The following RIN2 variants were observed in gnomAD, a reference collection of about 807,000 sequenced individuals.
The protein encoded by RIN2 is Ras and Rab interactor 2.
RIN2 carries 36 observed loss-of-function variants against 78.0 expected under a neutral mutation model. That is an observed-to-expected ratio of 0.46 (90% confidence interval 0.35 to 0.61). The LOEUF (loss-of-function observed/expected upper bound fraction) is 0.61. Ranked by LOEUF, RIN2 falls within the 20% of genes least tolerant of loss-of-function variation. The pLI, the probability that RIN2 is intolerant of heterozygous loss-of-function variation, is 0.00. For synonymous variants in RIN2, 466 were observed against 466.8 expected (o/e 1.00, Z 0.02); for missense variants, 1,087 against 1,159.7 (o/e 0.94, Z 0.91).
At position 19,917,080 on chromosome 20, in the gene RIN2, C is replaced by A. The variant is rs1352350589; in HGVS notation, c.58-18019C>A. The stretch of plus-strand genomic sequence containing the variant: ...CCATTCCAATTGAAGTCAGCCCCTG[C>A]TGTGTAATTAAGCAGATATTTAAAA... On this transcript the variant is annotated intron_variant, in intron 3 of 12. Transcript: ENST00000255006. 3.6e-4 allele frequency among the ~76,000 whole-genome samples: 54 copies of A among 150,930 alleles called. 1 individual carries two copies. In the Admixed American group the frequency reaches 3.6e-3, roughly 10 times the overall value.
At chr20:19,786,728 T>A (rs1363095126) in intron 1 of RIN2, among the ~76,000 whole-genome samples, 1 of 152,234 alleles carries the variant, frequency 6.6e-6, no homozygotes, top group Non-Finnish European at 1.5e-5. Context: ...GAAAGTGTAG[T>A]GACTATGCCT....
chr20:19,959,457 G>A (rs1461934956), intron 5 of RIN2, among the ~76,000 whole-genome samples: 2 of 152,178 alleles, frequency 1.3e-5, no homozygotes, highest in African/African-American at 4.8e-5. Context: ...CTGACTCCCA[G>A]AACCTGCTAC....
At chr20:19,955,688 T>C (rs907975166) in intron 4 of RIN2, among the ~76,000 whole-genome samples, 11 of 152,214 alleles carry the variant, frequency 7.2e-5, no homozygotes, top group African/African-American at 2.7e-4. Flanking sequence ...TGTTTCCGCT[T>C]GTTAGCTATT....
Position 19,848,641 on chromosome 20 carries a change from T to C in RIN2, c.-36-40925T>C, listed in dbSNP as rs951501157. Among the ~76,000 whole-genome samples the C allele has an allele frequency of 3.0e-5, 4 of 131,716 alleles. No individual in the cohort carries two copies. The South Asian group carries it at 1.1e-3, about 36-fold the overall frequency. 86.4% of individuals were successfully genotyped at this position (131,716 alleles called of 152,430 possible). A position where few individuals can be genotyped will look rare whatever the true frequency, so the allele number is the denominator to read the frequency against. On this transcript the variant is annotated intron_variant, in intron 2 of 12. Transcript: ENST00000255006. ...CTCTTATTAATCAGTAACAATCCTC[T>C]TCCCGGTTTAAGAATGAAACAGTTT...
chr20:19,827,140 T>C (rs1040545049), intron 2 of RIN2, among the ~76,000 whole-genome samples: 7 of 152,036 alleles, frequency 4.6e-5, no homozygotes, highest in Non-Finnish European at 8.8e-5. Flanking sequence ...CATACCTAGC[T>C]AATTTTTGTA....
rs551225883 is a variant in RIN2, at chr20:19,938,385, AT to A, written c.158+3197del. Among the ~76,000 whole-genome samples the A allele has an allele frequency of 3.6e-3, 534 of 148,020 alleles. 2 individuals are homozygous for A. Among genetic ancestry groups the A allele is most frequent in the Middle Eastern group, 0.01 (3 of 288 alleles). On this transcript the variant is annotated intron_variant, in intron 4 of 12. Coordinates refer to ENST00000255006, the MANE Select transcript of RIN2 (RefSeq NM_018993.4). ...GGGTGCCCACCACCACACCCAGCTA[AT>A]TTTTTTTTTTAATTTTTGGTAGAGA... is the stretch of plus-strand genomic sequence containing the variant.
At chr20:19,914,948 T>C (rs887924418) in intron 3 of RIN2, among the ~76,000 whole-genome samples, 1 of 152,054 alleles carries the variant, frequency 6.6e-6, no homozygotes, top group South Asian at 2.1e-4. Context: ...ACAACCTCAA[T>C]GAGAGCAGAA....
At position 19,953,161 on chromosome 20, in the gene RIN2, C is replaced by T. The variant is rs952839091; in HGVS notation, c.159-3454C>T. Among the ~76,000 whole-genome samples, 32 of 152,018 alleles carry T rather than the reference C, an allele frequency of 2.1e-4. 1 individual carries two copies. The highest frequency in any genetic ancestry group is 2.1e-4 in the South Asian group (1 of 4,828). On this transcript the variant is annotated intron_variant, in intron 4 of 12. Coordinates refer to ENST00000255006, the MANE Select transcript of RIN2 (RefSeq NM_018993.4). ...GAATTTTTTTTTCTTTTTTTGGAGA[C>T]GGAGTCTTGCTCTGTTGCCCAGGCT...
intron 9 of RIN2, among the ~76,000 whole-genome samples, chr20:19,976,161 A>G (rs747621804): frequency 3.9e-5 from 6 of 152,218 alleles, no homozygotes; most frequent in Non-Finnish European, 7.3e-5. Context: ...TCTGAGAGGC[A>G]GTGGGTATTT....
intron 3 of RIN2, among the ~76,000 whole-genome samples, chr20:19,931,372 C>T (rs2040432695): frequency 6.6e-6 from 1 of 152,142 alleles, no homozygotes; most frequent in African/African-American, 2.4e-5. Flanking sequence ...AACTCCTGGC[C>T]TCAAGCAGTT....
chr20:19,911,743 A>AT (rs2039476594), intron 3 of RIN2, among the ~76,000 whole-genome samples: 1 of 151,260 alleles, frequency 6.6e-6, no homozygotes, highest in Admixed American at 6.6e-5. Flanking sequence ...CATTCCGTGA[A>AT]TTTTTGCTTC....
At chr20:19,957,549 C>T (rs1026760697) in intron 5 of RIN2, among the ~76,000 whole-genome samples, 20 of 152,266 alleles carry the variant, frequency 1.3e-4, no homozygotes, top group Non-Finnish European at 2.4e-4. Flanking sequence ...TGGTGGCACA[C>T]GCCTGTAATC....
At chr20:19,767,177 C>T (rs921142043) in intron 1 of RIN2, among the ~76,000 whole-genome samples, 1 of 152,146 alleles carries the variant, frequency 6.6e-6, no homozygotes, top group Admixed American at 6.5e-5. Context: ...TATGGACAGC[C>T]GTGTAGAAAT....
chr20:19,824,238 C>T lies in RIN2; in HGVS notation c.-37+24491C>T, dbSNP rs77554292. 2.3e-3 allele frequency among the ~76,000 whole-genome samples: 354 copies of T among 152,312 alleles called. 12 individuals are homozygous for T. The East Asian group carries it at 0.055, about 24-fold the overall frequency. Reference sequence around the variant, plus strand: ...AAGCTTCCCACGCAGTTTGCTACCACGCCTTATCAGCGGGAGGCCCCTGTG... The same window carrying T: ...AAGCTTCCCACGCAGTTTGCTACCATGCCTTATCAGCGGGAGGCCCCTGTG... On this transcript the variant is annotated intron_variant, in intron 2 of 12. Transcript: ENST00000255006.
rs144263577 is a variant in RIN2 at position 19,858,309 on chromosome 20, G to T, written c.-36-31257G>T. 4.1e-3 allele frequency among the ~76,000 whole-genome samples: 631 copies of T among 152,284 alleles called. 2 individuals carry two copies. Among genetic ancestry groups the T allele is most frequent in the African/African-American group, 0.015 (607 of 41,546 alleles). On this transcript the variant is annotated intron_variant, in intron 2 of 12. Coordinates refer to ENST00000255006, the MANE Select transcript of RIN2 (RefSeq NM_018993.4). ...TGAGTGAGGAAGGAAGGGTGACAGA[G>T]TTAAATTAGGAAAGCGAGGCCAACA...
At chr20:19,850,990 A>AAAGGAAGGAAGGAAGGAAGGAAGG (rs199637524) in intron 2 of RIN2, among the ~76,000 whole-genome samples, 1 of 99,264 alleles carries the variant, frequency 1.0e-5, no homozygotes, top group African/African-American at 4.1e-5. Context: ...GAAAGGGAGA[A>AAAGGAAGGAAGGAAGGAAGGAAGG]AAGGAAGGAA....
intron 2 of RIN2, among the ~76,000 whole-genome samples, chr20:19,848,744 T>C (rs2036865046): frequency 6.6e-6 from 1 of 151,950 alleles, no homozygotes; most frequent in African/African-American, 2.4e-5. Context: ...TTATCGTGAG[T>C]TTATATCCAT....
intron 3 of RIN2, among the ~76,000 whole-genome samples, chr20:19,918,255 TC>T (rs1388225363): frequency 7.1e-6 from 1 of 141,186 alleles, no homozygotes; most frequent in Non-Finnish European, 1.5e-5. Flanking sequence ...TTAAGCAACC[TC>T]CCACCCAAGG....
In RIN2 at chr20:19,810,683, CT is replaced by C. The variant is rs535994979; in HGVS notation, c.-37+10962del. Among the ~76,000 whole-genome samples the C allele has an allele frequency of 6.8e-3, 678 of 99,392 alleles. 1 individual carries two copies. The highest frequency in any genetic ancestry group is 0.022 in the African/African-American group (533 of 24,058). The allele number at this position is 99,392 out of a possible 152,430, so 65.2% of individuals were successfully genotyped here. Reference sequence around the variant, plus strand: ...TTGATCATGTTAAGATTATAAGGTACTTTTTTTTTTTTTTTTTTTTTTTTTT... The same window carrying C: ...TTGATCATGTTAAGATTATAAGGTACTTTTTTTTTTTTTTTTTTTTTTTTT... On this transcript the variant is annotated intron_variant, in intron 2 of 12. Transcript: ENST00000255006.
Sources: gnomAD v4.1 joint callset for allele counts (sites outside exome capture counted in the v4.1 genomes callset) on GRCh38, gnomAD v4.1.1 for gene constraint, MANE v1.5 for transcripts, NCBI Gene and HGNC (gene_info 2026-07-23, HGNC 2026-07-21) for gene names.